EVI5: variants seen among roughly 807,000 people sequenced by gnomAD.
EVI5 encodes the protein ecotropic viral integration site 5 protein homolog.
In EVI5, 73 loss-of-function variants were observed where a neutral mutation model predicts 112.0. The observed-to-expected ratio is 0.65, with a 90% CI of 0.54 to 0.79. EVI5 has a LOEUF of 0.79. Ranked by LOEUF, EVI5 falls within the 30% of genes least tolerant of loss-of-function variation. The pLI is 0.00. For synonymous variants in EVI5, 305 were observed against 319.9 expected, an observed-to-expected ratio of 0.95 and a Z score of 0.50; for missense variants, 900 against 968.8, an observed-to-expected ratio of 0.93 and a Z score of 0.94.
intron 11 of EVI5, among the ~76,000 whole-genome samples, chr1:92,664,384 A>T (rs1664521812): frequency 6.6e-6 from 1 of 152,162 alleles, no homozygotes; most frequent in Non-Finnish European, 1.5e-5. Context: ...TTCTAGAAGC[A>T]AAATCCAAAC....
Position 92,703,376 on chromosome 1 carries a change from A to G in EVI5, c.564+19T>C. On this transcript the variant is annotated intron_variant, in intron 4 of 19. Transcript: ENST00000684568. Reference sequence around the variant, plus strand: ...CCAGGAATTCATTTCATTTCAAAAAATGAATAAATAAAACTTACCTTCATT... The same window carrying G: ...CCAGGAATTCATTTCATTTCAAAAAGTGAATAAATAAAACTTACCTTCATT... 1 of 1,393,418 alleles carries G rather than the reference A, an allele frequency of 7.2e-7. No homozygotes were observed. The allele number at this position is 1,393,418 out of a possible 1,614,324, so 86.3% of individuals were successfully genotyped here. A position where few individuals can be genotyped will look rare whatever the true frequency, so the allele number is the denominator to read the frequency against.
intron 2 of EVI5, among the ~76,000 whole-genome samples, chr1:92,711,368 C>G (rs1376353423): frequency 6.6e-6 from 1 of 152,040 alleles, no homozygotes; most frequent in African/African-American, 2.4e-5. Flanking sequence ...CTATGGATAC[C>G]AGAACTCAGA....
intron 10 of EVI5, among the ~76,000 whole-genome samples, chr1:92,668,778 C>A (rs992505716): frequency 1.3e-5 from 2 of 152,274 alleles, no homozygotes; most frequent in Admixed American, 1.3e-4. Flanking sequence ...GTTACTTTTA[C>A]GTTTCAAGTG....
intron 1 of EVI5, among the ~76,000 whole-genome samples, chr1:92,750,677 T>C (rs1443095291): frequency 6.6e-6 from 1 of 152,186 alleles, no homozygotes; most frequent in Non-Finnish European, 1.5e-5. Context: ...CTTTTTCCCC[T>C]TACTTTTAAT....
chr1:92,748,381 T>G (rs1173841141), intron 1 of EVI5, among the ~76,000 whole-genome samples: 2 of 152,114 alleles, frequency 1.3e-5, no homozygotes, highest in Admixed American at 1.3e-4. Context: ...AGGCCCTAAG[T>G]GAAGAGTCAG....
Position 92,617,761 on chromosome 1 carries a change from C to A in EVI5, c.1827+6415G>T, listed in dbSNP as rs190875913. On this transcript the variant is annotated intron_variant, in intron 16 of 19. Coordinates refer to ENST00000684568, the MANE Select transcript of EVI5 (RefSeq NM_001350197.2). Reference sequence around the variant, plus strand: ...CTGGTGGCAGGTTGATTATATTGGACCTTTTCCATCATGGAAAGGGCAGAG... The same window carrying A: ...CTGGTGGCAGGTTGATTATATTGGAACTTTTCCATCATGGAAAGGGCAGAG... 1.6e-4 allele frequency among the ~76,000 whole-genome samples: 25 copies of A among 152,274 alleles called. No homozygotes were observed. The East Asian group carries it at 4.6e-3, about 28-fold the overall frequency.
At chr1:92,667,925 AACTT>A (rs1365147204) in intron 10 of EVI5, among the ~76,000 whole-genome samples, 5 of 152,106 alleles carry the variant, frequency 3.3e-5, no homozygotes, top group African/African-American at 7.2e-5. Flanking sequence ...TCAAGGTGAT[AACTT>A]ACTTTTTTGT....
chr1:92,515,419 C>T (rs1557692704), intron 19 of EVI5, among the ~76,000 whole-genome samples: 1 of 152,214 alleles, frequency 6.6e-6, no homozygotes, highest in Non-Finnish European at 1.5e-5. Context: ...TACTCACATA[C>T]AATTAAGTCA....
intron 9 of EVI5, among the ~76,000 whole-genome samples, chr1:92,682,970 AT>A (rs1667861452): frequency 6.6e-6 from 1 of 152,214 alleles, no homozygotes; most frequent in Admixed American, 6.5e-5. Context: ...GTTGTAATTT[AT>A]ATGTACTTTA....
At position 92,696,097 on chromosome 1, in the gene EVI5, AT is replaced by A. The variant is rs1029388730; in HGVS notation, c.766-645del. On this transcript the variant is annotated intron_variant, in intron 6 of 19. Coordinates refer to ENST00000684568, the MANE Select transcript of EVI5 (RefSeq NM_001350197.2). The stretch of plus-strand genomic sequence containing the variant: ...AGGTGCACACCACCATGCCCAGCCA[AT>A]TTTTTTTATTTTTAGTAGAGGCAAG... Among the ~76,000 whole-genome samples, 21 of 151,706 alleles carry A rather than the reference AT, an allele frequency of 1.4e-4. 1 individual carries two copies. Among genetic ancestry groups the A allele is most frequent in the African/African-American group, 4.8e-4 (20 of 41,344 alleles).
At chr1:92,535,421 G>A (rs985167313) in intron 19 of EVI5, among the ~76,000 whole-genome samples, 7 of 152,116 alleles carry the variant, frequency 4.6e-5, no homozygotes, top group African/African-American at 1.2e-4. Context: ...TATACCCAAA[G>A]GATTATAAAT....
At chr1:92,557,186 G>A (rs577965629) in intron 19 of EVI5, among the ~76,000 whole-genome samples, 1 of 151,924 alleles carries the variant, frequency 6.6e-6, no homozygotes, top group Non-Finnish European at 1.5e-5. Flanking sequence ...AAAGTAAGTT[G>A]GTTTTATCTA....
At chr1:92,562,616 T>C (rs72722498) in intron 19 of EVI5, among the ~76,000 whole-genome samples, 19,548 of 152,192 alleles carry the variant, frequency 0.13, 1,457 homozygotes, top group Middle Eastern at 0.19. Flanking sequence ...TGGCTGAAAA[T>C]TGATATTTAC....
At chr1:92,560,872 G>GT (rs1668417271) in intron 19 of EVI5, among the ~76,000 whole-genome samples, 1 of 89,556 alleles carries the variant, frequency 1.1e-5, no homozygotes, top group South Asian at 5.7e-4. Context: ...GCCTACAAAA[G>GT]CTTTTTTTTT....
chr1:92,590,637 T>C (rs866752807), intron 18 of EVI5, among the ~76,000 whole-genome samples: 2 of 152,198 alleles, frequency 1.3e-5, no homozygotes, highest in Non-Finnish European at 2.9e-5. Context: ...CTACGTCTAA[T>C]TGGTGTACCT....
At chr1:92,568,125 G>A (rs927185458) in intron 18 of EVI5, among the ~76,000 whole-genome samples, 17 of 151,918 alleles carry the variant, frequency 1.1e-4, no homozygotes, top group African/African-American at 4.1e-4. Flanking sequence ...TGTATTCCTA[G>A]CACTTTCAGA....
intron 19 of EVI5, among the ~76,000 whole-genome samples, chr1:92,527,839 C>T (rs1323114574): frequency 1.3e-5 from 2 of 152,164 alleles, no homozygotes; most frequent in African/African-American, 4.8e-5. Context: ...CATAGTATTG[C>T]ATTTGTGATT....
At chr1:92,637,681 TAAAGTCATA>T (rs1557968103) in intron 13 of EVI5, among the ~76,000 whole-genome samples, 1 of 152,124 alleles carries the variant, frequency 6.6e-6, no homozygotes, top group African/African-American at 2.4e-5. Flanking sequence ...AATTTCAAAA[TAAAGTCATA>T]AAAAACAATC....
At chr1:92,557,837 A>G (rs1034999058) in intron 19 of EVI5, among the ~76,000 whole-genome samples, 17 of 149,778 alleles carry the variant, frequency 1.1e-4, no homozygotes, top group Non-Finnish European at 2.2e-4. Flanking sequence ...CAATCCTCCC[A>G]CCTCAGCTTC....
Sources: allele counts gnomAD v4.1 joint callset (sites outside exome capture counted in the v4.1 genomes callset), GRCh38; gene constraint gnomAD v4.1.1; transcripts MANE v1.5; gene names NCBI Gene and HGNC (gene_info 2026-07-23, HGNC 2026-07-21).